Variants in TBX21 observed in about 807,000 individuals in gnomAD.
The protein encoded by TBX21 is T-box transcription factor 21.
A neutral mutation model predicts 52.2 loss-of-function variants in TBX21; 11 were observed. The observed-to-expected ratio is 0.21, with a 90% CI of 0.13 to 0.35. The LOEUF (loss-of-function observed/expected upper bound fraction) is 0.35, where lower values mean the gene tolerates loss of function less well. Ranked by LOEUF, TBX21 falls within the 10% of genes least tolerant of loss-of-function variation. The pLI is 1.00. For synonymous variants in TBX21, 300 were observed against 316.1 expected, an observed-to-expected ratio of 0.95 and a Z score of 0.54; for missense variants, 625 against 755.1, an observed-to-expected ratio of 0.83 and a Z score of 2.02.
Position 47,745,489 on chromosome 17 carries a change from T to A in TBX21, c.*123T>A. On this transcript the variant is annotated 3_prime_UTR_variant, in exon 6 of 6. Coordinates refer to ENST00000177694, the MANE Select transcript of TBX21 (RefSeq NM_013351.2). The stretch of plus-strand genomic sequence containing the variant: ...CCTCTGGCCCTTCTCTGTTTAGTAG[T>A]TGGTTGGGGAAGTGGGGCTCAAGAA... The A allele has an allele frequency of 7.1e-7, 1 of 1,399,024 alleles. No homozygotes were observed. Among genetic ancestry groups the A allele is most frequent in the Admixed American group, 2.5e-5 (1 of 39,906 alleles). 86.7% of individuals were successfully genotyped at this position (1,399,024 alleles called of 1,614,324 possible).
At chr17:47,741,523 T>C (rs2032266691) in intron 1 of TBX21, among the ~76,000 whole-genome samples, 1 of 152,196 alleles carries the variant, frequency 6.6e-6, no homozygotes, top group Admixed American at 6.6e-5. Flanking sequence ...AATAGAGCCT[T>C]CTTTCAGGTG....
chr17:47,744,074 G>T, intron 3 of TBX21, 121 bp from the exon 4 acceptor site: 1 of 1,266,530 alleles, frequency 7.9e-7, no homozygotes. Flanking sequence ...CAGAGCAGGG[G>T]AATGGACAGG....
intron 1 of TBX21, among the ~76,000 whole-genome samples, chr17:47,738,327 G>A (rs1291887369): frequency 6.6e-6 from 1 of 151,770 alleles, no homozygotes; most frequent in Non-Finnish European, 1.5e-5. Flanking sequence ...CCGGCTAATT[G>A]TTTCTATTTT....
At chr17:47,734,605 GTGTGTATGTGTGTGTGGGTGTGTGTGTA>G (rs2032186201) in intron 1 of TBX21, among the ~76,000 whole-genome samples, 5 of 107,158 alleles carry the variant, frequency 4.7e-5, no homozygotes, top group African/African-American at 1.5e-4. Flanking sequence ...GTGTGTGTGT[GTGTGTATGTGTGTGTGGGTGTGTGTGTA>G]TGGGGGCTAG....
intron 3 of TBX21, 104 bp downstream of exon 3, chr17:47,743,296 C>T: frequency 6.8e-7 from 1 of 1,472,894 alleles, no homozygotes; most frequent in Non-Finnish European, 9.1e-7. Context: ...TTCATTTTTT[C>T]TTCCTTCCTA....
At chr17:47,741,176 G>T (rs1231670807) in intron 1 of TBX21, among the ~76,000 whole-genome samples, 1 of 152,014 alleles carries the variant, frequency 6.6e-6, no homozygotes, top group African/African-American at 2.4e-5. Flanking sequence ...TACTGGTGGT[G>T]GTTGTGATGG....
chr17:47,735,526 G>T (rs2032198536), intron 1 of TBX21, among the ~76,000 whole-genome samples: 1 of 152,104 alleles, frequency 6.6e-6, no homozygotes, highest in Non-Finnish European at 1.5e-5. Flanking sequence ...AGGGAAACAG[G>T]CCCAGAGATA....
intron 1 of TBX21, among the ~76,000 whole-genome samples, chr17:47,734,177 G>C (rs561414016): frequency 6.6e-6 from 1 of 152,324 alleles, no homozygotes; most frequent in East Asian, 1.9e-4. Context: ...AGACGGGTGA[G>C]TGCGGGACAG....
Position 47,733,293 on chromosome 17 carries a change from G to C in TBX21, c.-162G>C. The C allele has an allele frequency of 9.9e-7, 1 of 1,005,540 alleles. No individual in the cohort carries two copies. Among genetic ancestry groups the C allele is most frequent in the Non-Finnish European group, 1.3e-6 (1 of 749,824 alleles). 62.3% of individuals were successfully genotyped at this position (1,005,540 alleles called of 1,614,324 possible). ...GAGCTGCCGCGCGCCTGCCGGACGAGGGCGTAGAAGCCAGGCGTCAGAGCC... is the reference window on the plus strand; with the variant it reads ...GAGCTGCCGCGCGCCTGCCGGACGACGGCGTAGAAGCCAGGCGTCAGAGCC... On this transcript the variant is annotated 5_prime_UTR_variant, in exon 1 of 6. Coordinates refer to ENST00000177694, the MANE Select transcript of TBX21 (RefSeq NM_013351.2). This position sits in a 1 kb window ranked among gnomAD's most constrained non-coding sequence, Gnocchi z 6.6.
intron 1 of TBX21, among the ~76,000 whole-genome samples, chr17:47,738,024 A>C (rs1012873636): frequency 6.8e-6 from 1 of 147,642 alleles, no homozygotes; most frequent in East Asian, 2.0e-4. Context: ...ATCTCAAGCA[A>C]TCTCCCGCCT....
Position 47,745,456 on chromosome 17 carries a change from C to A in TBX21, c.*90C>A. 6.7e-7 allele frequency: 1 copy of A among 1,493,006 alleles called. No individual in the cohort carries two copies. The highest frequency in any genetic ancestry group is 8.9e-7 in the Non-Finnish European group (1 of 1,122,748). 92.5% of individuals were successfully genotyped at this position (1,493,006 alleles called of 1,614,324 possible). ...GAAACGGATGAAGGACTGAGAAGGC[C>A]CCCGCTCCCTCTGGCCCTTCTCTGT... On this transcript the variant is annotated 3_prime_UTR_variant, in exon 6 of 6. Coordinates refer to ENST00000177694, the MANE Select transcript of TBX21 (RefSeq NM_013351.2).
intron 1 of TBX21, among the ~76,000 whole-genome samples, chr17:47,740,969 C>G (rs1038834428): frequency 6.6e-6 from 1 of 152,132 alleles, no homozygotes; most frequent in Non-Finnish European, 1.5e-5. Flanking sequence ...TCAGATAGGT[C>G]CCTTTTTCCT....
At chr17:47,735,394 C>T (rs894769383) in intron 1 of TBX21, among the ~76,000 whole-genome samples, 2 of 152,136 alleles carry the variant, frequency 1.3e-5, no homozygotes, top group African/African-American at 2.4e-5. Flanking sequence ...CTGATAATTT[C>T]TCTCTGCTCC....
chr17:47,733,767 G>T lies in TBX21; in HGVS notation c.313G>T (p.Gly105Cys). The T allele has an allele frequency of 6.6e-7, 1 of 1,506,860 alleles. No individual in the cohort carries two copies. Among genetic ancestry groups the T allele is most frequent in the Non-Finnish European group, 8.8e-7 (1 of 1,130,314 alleles). The allele number at this position is 1,506,860 out of a possible 1,614,324, so 93.3% of individuals were successfully genotyped here. A position where few individuals can be genotyped will look rare whatever the true frequency, so the allele number is the denominator to read the frequency against. The change falls in exon 1 of 6, where the codon GGC becomes TGC. Residue 105 changes from glycine to cysteine, a missense_variant. Physicochemically the swap from Gly to Cys is radical, Grantham distance 159. Transcript: ENST00000177694. This position sits in a 1 kb window ranked among gnomAD's most constrained non-coding sequence, Gnocchi z 6.6. ...CGCGGACGCCGAGGGCTACCAGCCG[G>T]GCGAGGGCTACGCCGCCCCGGACCC... ...PPADAEGYQP[G>C]EGYAAPDPRA...
intron 1 of TBX21, among the ~76,000 whole-genome samples, chr17:47,741,083 C>T (rs886368146): frequency 3.3e-5 from 5 of 152,138 alleles, no homozygotes; most frequent in African/African-American, 1.2e-4. Flanking sequence ...GCTCTTCCTG[C>T]TTGTGTTAGA....
intron 1 of TBX21, among the ~76,000 whole-genome samples, chr17:47,735,775 G>T (rs1274503165): frequency 6.6e-6 from 1 of 152,166 alleles, no homozygotes; most frequent in Non-Finnish European, 1.5e-5. Context: ...TGAGTTGCAG[G>T]GTCAGCTAGG....
intron 1 of TBX21, among the ~76,000 whole-genome samples, chr17:47,736,989 C>T (rs1032797358): frequency 5.3e-5 from 8 of 152,136 alleles, no homozygotes; most frequent in African/African-American, 1.7e-4. Context: ...TATTGACCAG[C>T]GCCAGTGGCA....
chr17:47,734,393 C>G (rs985954177), intron 1 of TBX21, among the ~76,000 whole-genome samples: 1 of 152,074 alleles, frequency 6.6e-6, no homozygotes, highest in African/African-American at 2.4e-5. Context: ...CCACCTCCCC[C>G]GGCTCCTTTG....
intron 3 of TBX21, among the ~76,000 whole-genome samples, chr17:47,743,889 AAAAAAAGAAAAAAG>A (rs770750325): frequency 1.3e-5 from 2 of 150,304 alleles, no homozygotes; most frequent in African/African-American, 4.9e-5. Context: ...CAAAAAAAAA[AAAAAAAGAAAAAAG>A]AAAAAAGAAA....
Sources: allele counts gnomAD v4.1 joint callset (sites outside exome capture counted in the v4.1 genomes callset), GRCh38; gene constraint gnomAD v4.1.1; non-coding constraint Gnocchi (gnomAD v3.1); transcripts MANE v1.5; gene names NCBI Gene and HGNC (gene_info 2026-07-23, HGNC 2026-07-21).